The following PAPSS1 variants were observed in gnomAD, a reference collection of about 807,000 sequenced individuals.
The protein encoded by PAPSS1 is bifunctional 3'-phosphoadenosine 5'-phosphosulfate synthase 1.
In PAPSS1, 50 loss-of-function variants were observed where a neutral mutation model predicts 72.0. That is an observed-to-expected ratio of 0.69 (90% CI 0.55 to 0.88). PAPSS1 has a LOEUF of 0.88. Among genes scored for constraint, PAPSS1 ranks in the 40% least tolerant of loss-of-function variants. The pLI is 0.00. For missense variants in PAPSS1, 657 were observed against 782.2 expected (o/e 0.84, Z 1.91); for synonymous variants, 261 against 263.6 (o/e 0.99, Z 0.09).
At chr4:107,640,042 C>G (rs1057023475) in intron 10 of PAPSS1, among the ~76,000 whole-genome samples, 1 of 152,078 alleles carries the variant, frequency 6.6e-6, no homozygotes, top group African/African-American at 2.4e-5. Flanking sequence ...CTTCATAAAC[C>G]GAGGGTATAG....
intron 4 of PAPSS1, among the ~76,000 whole-genome samples, chr4:107,684,374 A>C (rs1722717148): frequency 6.6e-6 from 1 of 152,234 alleles, no homozygotes; most frequent in Non-Finnish European, 1.5e-5. Flanking sequence ...GAAGAAAATC[A>C]AAATATTTTC....
At chr4:107,682,367 T>C (rs1222519348) in intron 4 of PAPSS1, among the ~76,000 whole-genome samples, 1 of 151,942 alleles carries the variant, frequency 6.6e-6, no homozygotes, top group Non-Finnish European at 1.5e-5. Flanking sequence ...ATGTAAAAAA[T>C]GTGACACCAA....
chr4:107,669,488 T>A (rs1727415476), intron 5 of PAPSS1, among the ~76,000 whole-genome samples: 1 of 152,204 alleles, frequency 6.6e-6, no homozygotes, highest in South Asian at 2.1e-4. Context: ...ATAACAGTGG[T>A]GAAGACCAAA....
intron 11 of PAPSS1, among the ~76,000 whole-genome samples, chr4:107,627,240 T>C (rs141821247): frequency 2.0e-5 from 3 of 152,340 alleles, no homozygotes; most frequent in South Asian, 2.1e-4. Flanking sequence ...AGTTTGGTTT[T>C]CATAACTCAT....
intron 11 of PAPSS1, among the ~76,000 whole-genome samples, chr4:107,631,276 T>C (rs1726219231): frequency 6.6e-6 from 1 of 152,222 alleles, no homozygotes; most frequent in Non-Finnish European, 1.5e-5. Context: ...ATTGCACAAA[T>C]ATTAGCTAAA....
intron 3 of PAPSS1, among the ~76,000 whole-genome samples, 172 bp from the exon 4 acceptor site, chr4:107,687,349 T>C (rs544766259): frequency 2.0e-5 from 3 of 152,186 alleles, no homozygotes; most frequent in Non-Finnish European, 4.4e-5. Context: ...TAATTCCTAT[T>C]ATTCATGACA....
intron 11 of PAPSS1, among the ~76,000 whole-genome samples, chr4:107,621,606 A>ATTTTTTTTTTTTTTT (rs1382723816): frequency 7.9e-5 from 4 of 50,506 alleles, no homozygotes; most frequent in Admixed American, 1.9e-4. Context: ...CAGGTTTTTT[A>ATTTTTTTTTTTTTTT]TCTTTTTTTT....
At chr4:107,709,505 G>A (rs1379776013) in intron 1 of PAPSS1, among the ~76,000 whole-genome samples, 1 of 152,166 alleles carries the variant, frequency 6.6e-6, no homozygotes, top group Admixed American at 6.5e-5. Context: ...GAGATGAGAG[G>A]AGCCTGAATC....
intron 4 of PAPSS1, among the ~76,000 whole-genome samples, chr4:107,684,606 T>C (rs947831910): frequency 6.6e-6 from 1 of 152,186 alleles, no homozygotes; most frequent in Admixed American, 6.5e-5. Context: ...GTCTCCACAA[T>C]CTTTATCTTA....
At chr4:107,630,497 C>T (rs763550174) in intron 11 of PAPSS1, among the ~76,000 whole-genome samples, 1 of 152,156 alleles carries the variant, frequency 6.6e-6, no homozygotes, top group Non-Finnish European at 1.5e-5. Flanking sequence ...CCATGTAAAT[C>T]GTGCTTTGCT....
At chr4:107,672,975 C>T (rs1727532248) in intron 5 of PAPSS1, among the ~76,000 whole-genome samples, 1 of 152,178 alleles carries the variant, frequency 6.6e-6, no homozygotes, top group Non-Finnish European at 1.5e-5. Context: ...CTCCAGCAAA[C>T]TCCAACAGAC....
intron 2 of PAPSS1, among the ~76,000 whole-genome samples, chr4:107,697,567 G>A (rs1213070567): frequency 2.6e-5 from 4 of 152,144 alleles, no homozygotes; most frequent in African/African-American, 4.8e-5. Context: ...GTATTTATAT[G>A]TTTTAAGTGC....
intron 3 of PAPSS1, among the ~76,000 whole-genome samples, chr4:107,692,957 G>A (rs973722242): frequency 1.1e-4 from 16 of 152,098 alleles, no homozygotes; most frequent in African/African-American, 3.9e-4. Context: ...GAGAACACAC[G>A]GACACATGGG....
intron 3 of PAPSS1, among the ~76,000 whole-genome samples, chr4:107,692,129 C>T (rs956383744): frequency 1.3e-5 from 2 of 152,040 alleles, no homozygotes; most frequent in Non-Finnish European, 2.9e-5. Flanking sequence ...GACACAGGCA[C>T]AGGCAAAAGA....
At chr4:107,627,790 T>C (rs1415409070) in intron 11 of PAPSS1, among the ~76,000 whole-genome samples, 1 of 152,126 alleles carries the variant, frequency 6.6e-6, no homozygotes, top group Non-Finnish European at 1.5e-5. Flanking sequence ...GTAGAAAAAA[T>C]CCTTTTATAA....
At chr4:107,657,581 G>C (rs1263400512) in intron 6 of PAPSS1, among the ~76,000 whole-genome samples, 1 of 152,036 alleles carries the variant, frequency 6.6e-6, no homozygotes, top group African/African-American at 2.4e-5. Context: ...AAATTAGCCA[G>C]ATGTGGTGGC....
intron 5 of PAPSS1, among the ~76,000 whole-genome samples, chr4:107,664,236 A>G (rs942484116): frequency 3.3e-5 from 5 of 152,204 alleles, no homozygotes; most frequent in African/African-American, 1.2e-4. Flanking sequence ...GCCATCTCTG[A>G]AATGTATATT....
At position 107,644,816 on chromosome 4, in the gene PAPSS1, C is replaced by A; in HGVS notation, c.1492G>T (p.Ala498Ser). The A allele has an allele frequency of 6.2e-7, 1 of 1,612,058 alleles. No individual in the cohort carries two copies. The highest frequency in any genetic ancestry group is 8.5e-7 in the Non-Finnish European group (1 of 1,179,400). The change falls in exon 10 of 12, where the codon GCT becomes TCT. Residue 498 changes from alanine to serine, a missense_variant. Ala to Ser is a moderately conservative substitution (Grantham distance 99). Transcript: ENST00000265174. ...VAIFPSPMMY[A>S]GPTEVQWHCR... ...AAGCAGTCTACCTCAGTTGGTCCAGCATACATCATGGGAGATGGGAAGATG... is the reference window on the plus strand; with the variant it reads ...AAGCAGTCTACCTCAGTTGGTCCAGAATACATCATGGGAGATGGGAAGATG...
intron 6 of PAPSS1, among the ~76,000 whole-genome samples, chr4:107,659,310 T>A (rs1211367052): frequency 6.6e-6 from 1 of 152,246 alleles, no homozygotes; most frequent in Non-Finnish European, 1.5e-5. Flanking sequence ...CTTTCAGATG[T>A]GGCACTTCCT....
Sources: allele counts gnomAD v4.1 joint callset (sites outside exome capture counted in the v4.1 genomes callset), GRCh38; gene constraint gnomAD v4.1.1; transcripts MANE v1.5; gene names NCBI Gene and HGNC (gene_info 2026-07-23, HGNC 2026-07-21).